RAB44: variants seen among roughly 807,000 people sequenced by gnomAD.
RAB44 encodes RAB44, member RAS oncogene family.
A neutral mutation model predicts 93.3 loss-of-function variants in RAB44; 67 were observed. That is an observed-to-expected ratio of 0.72 (90% CI 0.59 to 0.88). The LOEUF (loss-of-function observed/expected upper bound fraction) is 0.88, where lower values mean the gene tolerates loss of function less well. RAB44 is among the 40% of genes least tolerant of loss of function. The pLI, the probability that RAB44 is intolerant of heterozygous loss-of-function variation, is 0.00. For missense variants in RAB44, 1,064 were observed against 1,261.7 expected (o/e 0.84, Z 2.37); for synonymous variants, 427 against 520.3 (o/e 0.82, Z 2.44).
chr6:36,708,218 GAA>G (rs972557696), intron 2 of RAB44, among the ~76,000 whole-genome samples: 4 of 124,896 alleles, frequency 3.2e-5, no homozygotes, highest in African/African-American at 5.9e-5. Context: ...TCTCAAGAAA[GAA>G]AAAAAAAAAA....
At chr6:36,710,731 G>C (rs913583749) in intron 2 of RAB44, among the ~76,000 whole-genome samples, 14 of 152,024 alleles carry the variant, frequency 9.2e-5, no homozygotes, top group African/African-American at 3.4e-4. Flanking sequence ...TGATTCTCCT[G>C]CCTCAGCCTC....
At chr6:36,725,669 G>A (rs1582643265) in intron 9 of RAB44, among the ~76,000 whole-genome samples, 193 bp from the exon 10 acceptor site, 1 of 152,254 alleles carries the variant, frequency 6.6e-6, no homozygotes, top group African/African-American at 2.4e-5. Context: ...TTGCGGCAGG[G>A]AGGTCTGGGA....
chr6:36,715,707 AG>A (rs1762902877), intron 4 of RAB44, 54 bp downstream of exon 4: 1 of 1,517,820 alleles, frequency 6.6e-7, no homozygotes. Flanking sequence ...CATTGACGGC[AG>A]GGGCTTTCCT....
At position 36,728,793 on chromosome 6, in the gene RAB44, C is replaced by T; in HGVS notation, c.2890C>T (p.Leu964=). The T allele has an allele frequency of 1.9e-6, 3 of 1,550,340 alleles. No individual in the cohort carries two copies. Among genetic ancestry groups the T allele is most frequent in the Non-Finnish European group, 1.7e-6 (2 of 1,146,742 alleles). ...RQVSVEAGQQ[L]AQELGVYFGE... is the part of the protein sequence containing the mutation. ...AGTGTCCGTGGAAGCTGGGCAGCAA[C>T]TGGCCCAGGTAAGCACTTGGGCATC... Residue 964 remains leucine, a synonymous_variant, in exon 12 of 14, where the codon CTG becomes TTG. Transcript: ENST00000612677.
intron 2 of RAB44, among the ~76,000 whole-genome samples, chr6:36,705,395 C>CCTCCCTCT (rs1375141751): frequency 2.2e-5 from 3 of 136,738 alleles, no homozygotes; most frequent in Non-Finnish European, 4.7e-5. Context: ...TCCCTCCCTC[C>CCTCCCTCT]CTCCCTCCCT....
chr6:36,720,181 A>ACAGGAGC (rs1763035051), intron 7 of RAB44, among the ~76,000 whole-genome samples, 182 bp from the exon 8 acceptor site: 1 of 151,884 alleles, frequency 6.6e-6, no homozygotes, highest in African/African-American at 2.4e-5. Flanking sequence ...CCCCTCCTAG[A>ACAGGAGC]TAGGAGCTAA....
At position 36,716,450 on chromosome 6, in the gene RAB44, A is replaced by C. The variant is rs1277945482; in HGVS notation, c.494+797A>C. ...GCGCCACTGCACTCCAGCCTGGGTG[A>C]CAGAGCAAGACTCTGTCTCAAAAAA... On this transcript the variant is annotated intron_variant, in intron 4 of 13. Transcript: ENST00000612677. 1.2e-4 allele frequency among the ~76,000 whole-genome samples: 18 copies of C among 148,054 alleles called. No homozygotes were observed. The Admixed American group carries it at 1.2e-3, about 10-fold the overall frequency.
chr6:36,715,967 C>T (rs558582041), intron 4 of RAB44, among the ~76,000 whole-genome samples: 1 of 152,330 alleles, frequency 6.6e-6, no homozygotes, highest in East Asian at 1.9e-4. Flanking sequence ...TCCAGGAGGA[C>T]TAGCGATTGG....
chr6:36,717,914 A>G lies in RAB44; in HGVS notation c.642-114A>G. 2.0e-6 allele frequency: 1 copy of G among 496,700 alleles called. No homozygotes were observed. The highest frequency in any genetic ancestry group is 3.2e-6 in the Non-Finnish European group (1 of 317,236). The allele number at this position is 496,700 out of a possible 1,614,324, so 30.8% of individuals were successfully genotyped here. The stretch of plus-strand genomic sequence containing the variant: ...GTGACAGAGGTCAGTGACTGCTGGC[A>G]GAGTGAGGAAAGCAATAGGATGGAT... On this transcript the variant is annotated intron_variant, in intron 5 of 13. Coordinates refer to ENST00000612677, the MANE Select transcript of RAB44 (RefSeq NM_001257357.2). The surrounding 1 kb of genome is among the most constrained non-coding windows in gnomAD (Gnocchi z 4.1).
rs536977904 is a variant in RAB44 at position 36,729,186 on chromosome 6, G to A, written c.2898+385G>A. Among the ~76,000 whole-genome samples, 12 of 152,226 alleles carry A rather than the reference G, an allele frequency of 7.9e-5. No individual in the cohort carries two copies. The East Asian group carries it at 1.2e-3, about 15-fold the overall frequency. On this transcript the variant is annotated intron_variant, in intron 12 of 13. Transcript: ENST00000612677. ...ATTTTATCTCTGGTCTCTAATTAAC[G>A]TGCTGCCTTCTAAGTTCTCCTATTT...
chr6:36,718,832 C>T (rs1008202320), intron 7 of RAB44, among the ~76,000 whole-genome samples: 2 of 152,050 alleles, frequency 1.3e-5, no homozygotes, highest in East Asian at 1.9e-4. Context: ...TGCTGCTGCC[C>T]GGACACTGCA....
chr6:36,715,444 C>T, intron 3 of RAB44, 35 bp from the exon 4 acceptor site: 3 of 1,531,538 alleles, frequency 2.0e-6, no homozygotes, highest in Non-Finnish European at 2.6e-6. Context: ...GGCCCAACAC[C>T]ACTGTGCTCC....
chr6:36,699,473 G>A (rs895474724), intron 1 of RAB44, among the ~76,000 whole-genome samples: 5 of 152,272 alleles, frequency 3.3e-5, no homozygotes, highest in South Asian at 2.1e-4. Context: ...TCCCTTGGCC[G>A]TGTTAGCTCC....
At position 36,720,435 on chromosome 6, in the gene RAB44, G is replaced by A. The variant is rs1763043392; in HGVS notation, c.901G>A (p.Ala301Thr). ...CTCAGAGAACCAGCAGCTGCAGGAG[G>A]CCAAGCGTGACCTGGCTGGGCGGCT... ...AASENQQLQE[A>T]KRDLAGRLEE... Residue 301 changes from alanine to threonine, a missense_variant, in exon 8 of 14, where the codon GCC becomes ACC. Ala to Thr is a moderately conservative substitution (Grantham distance 58). Coordinates refer to ENST00000612677, the MANE Select transcript of RAB44 (RefSeq NM_001257357.2). The A allele has an allele frequency of 8.1e-7, 1 of 1,232,844 alleles. No individual in the cohort carries two copies. The highest frequency in any genetic ancestry group is 1.0e-6 in the Non-Finnish European group (1 of 988,356). The allele number at this position is 1,232,844 out of a possible 1,614,324, so 76.4% of individuals were successfully genotyped here.
rs1212189975 is a variant in RAB44 at position 36,721,907 on chromosome 6, G to A, written c.1773G>A (p.Gln591=). 20 of 1,234,822 alleles carry A rather than the reference G, an allele frequency of 1.6e-5. No homozygotes were observed. Among genetic ancestry groups the A allele is most frequent in the Non-Finnish European group, 1.2e-5 (12 of 988,628 alleles). 76.5% of individuals were successfully genotyped at this position (1,234,822 alleles called of 1,614,324 possible). A position where few individuals can be genotyped will look rare whatever the true frequency, so the allele number is the denominator to read the frequency against. The change falls in exon 9 of 14, where the codon CAG becomes CAA. Residue 591 remains glutamine (Q), a synonymous_variant. Coordinates refer to ENST00000612677, the MANE Select transcript of RAB44 (RefSeq NM_001257357.2). ...CCAGGCAGAGAGATGCCCTCCAGCA[G>A]GACCTGCATGCCACTGGCTCTGAGC... is the stretch of plus-strand genomic sequence containing the variant. ...KPPRQRDALQ[Q]DLHATGSEPR...
intron 10 of RAB44, among the ~76,000 whole-genome samples, chr6:36,726,840 A>G (rs899393455): frequency 1.3e-5 from 2 of 148,658 alleles, no homozygotes; most frequent in African/African-American, 5.0e-5. Flanking sequence ...TTGCTCTGTC[A>G]CCCAGGCTGG....
chr6:36,720,800 C>T (rs763897046), intron 8 of RAB44, among the ~76,000 whole-genome samples: 11 of 152,188 alleles, frequency 7.2e-5, no homozygotes, highest in African/African-American at 2.4e-4. Context: ...TGTGCATGTA[C>T]GTGTACACAC....
chr6:36,727,251 G>A (rs1292372822), intron 10 of RAB44, among the ~76,000 whole-genome samples: 2 of 152,184 alleles, frequency 1.3e-5, no homozygotes, highest in African/African-American at 2.4e-5. Flanking sequence ...ATATGTGTGT[G>A]TATATATATG....
At position 36,717,260 on chromosome 6, in the gene RAB44, T is replaced by G; in HGVS notation, c.495-13T>G. Reference sequence around the variant, plus strand: ...TCTGACCCTCCCATCTCTGGCTGTCTTCCCCTCCCCAGGCAGATGGAAATC... The same window carrying G: ...TCTGACCCTCCCATCTCTGGCTGTCGTCCCCTCCCCAGGCAGATGGAAATC... On this transcript the variant is annotated splice_polypyrimidine_tract_variant and intron_variant, in intron 4 of 13. Coordinates refer to ENST00000612677, the MANE Select transcript of RAB44 (RefSeq NM_001257357.2). This position sits in a 1 kb window ranked among gnomAD's most constrained non-coding sequence, Gnocchi z 4.1. 8.1e-7 allele frequency: 1 copy of G among 1,232,092 alleles called. No individual in the cohort carries two copies. Among genetic ancestry groups the G allele is most frequent in the Non-Finnish European group, 1.0e-6 (1 of 987,952 alleles). 76.3% of individuals were successfully genotyped at this position (1,232,092 alleles called of 1,614,324 possible).
Sources: allele counts gnomAD v4.1 joint callset (sites outside exome capture counted in the v4.1 genomes callset), GRCh38; gene constraint gnomAD v4.1.1; non-coding constraint Gnocchi (gnomAD v3.1); transcripts MANE v1.5; gene names NCBI Gene and HGNC (gene_info 2026-07-23, HGNC 2026-07-21).